The following ANO1 variants were observed in gnomAD, a reference collection of about 807,000 sequenced individuals.
ANO1 encodes anoctamin-1.
A neutral mutation model predicts 124.0 loss-of-function variants in ANO1; 59 were observed. The observed-to-expected ratio is 0.48, with a 90% CI of 0.39 to 0.59. ANO1 has a LOEUF of 0.59. Among genes scored for constraint, ANO1 ranks in the 20% least tolerant of loss-of-function variants. ANO1 has a pLI of 0.00. For missense variants in ANO1, 1,059 were observed against 1,328.0 expected (o/e 0.80, Z 3.15); for synonymous variants, 529 against 532.0 (o/e 0.99, Z 0.08).
intron 1 of ANO1, among the ~76,000 whole-genome samples, chr11:70,019,611 A>T (rs1189298156): frequency 6.6e-6 from 1 of 152,100 alleles, no homozygotes; most frequent in Non-Finnish European, 1.5e-5. Context: ...GGGAGCTTAA[A>T]ATGGGCCATG....
At chr11:70,042,523 G>A (rs1555005164) in intron 1 of ANO1, among the ~76,000 whole-genome samples, 1 of 151,828 alleles carries the variant, frequency 6.6e-6, no homozygotes, top group Non-Finnish European at 1.5e-5. Context: ...CAGAGAGAGA[G>A]AGAGAGAGAG....
At chr11:70,169,952 A>T (rs17333013) in intron 21 of ANO1, 5 of 329,790 alleles carry the variant, frequency 1.5e-5, no homozygotes, top group South Asian at 1.2e-4. Context: ...TTCCACTCAG[A>T]AACCTTTTCC....
At chr11:70,158,938 G>A (rs1451051192) in intron 16 of ANO1, among the ~76,000 whole-genome samples, 2 of 152,134 alleles carry the variant, frequency 1.3e-5, no homozygotes, top group African/African-American at 2.4e-5. Flanking sequence ...CTCTGGCCAG[G>A]TGCCAGGCTA....
At chr11:70,059,019 T>TA (rs782382103) in intron 1 of ANO1, among the ~76,000 whole-genome samples, 3,861 of 139,810 alleles carry the variant, frequency 0.028, 56 homozygotes, top group Non-Finnish European at 0.038. Context: ...CCGTCTCTAC[T>TA]AAAAAAAAAA....
chr11:70,180,856 G>A (rs1565285497), intron 23 of ANO1, among the ~76,000 whole-genome samples: 1 of 152,164 alleles, frequency 6.6e-6, no homozygotes, highest in Admixed American at 6.5e-5. Flanking sequence ...GAAATGGGGC[G>A]AGAAGGGAGC....
chr11:70,039,583 C>T (rs1857149896), intron 1 of ANO1, among the ~76,000 whole-genome samples: 1 of 150,876 alleles, frequency 6.6e-6, no homozygotes, highest in South Asian at 2.1e-4. Flanking sequence ...GGTGGTAGTC[C>T]TACCTCCCCT....
chr11:69,979,825 C>T, the ANO1 span, among the ~76,000 whole-genome samples: 5 of 152,170 alleles, frequency 3.3e-5, no homozygotes, highest in Middle Eastern at 3.2e-3. Context: ...AGTTCACTTG[C>T]CCTTCTCTTT....
At chr11:69,998,008 C>A (rs1856307423) in intron 1 of ANO1, among the ~76,000 whole-genome samples, 1 of 152,086 alleles carries the variant, frequency 6.6e-6, no homozygotes, top group Admixed American at 6.6e-5. Flanking sequence ...CCTAATACAT[C>A]CTTCCCAGAG....
chr11:70,163,488 C>T, intron 19 of ANO1, 148 bp downstream of exon 19: 2 of 941,104 alleles, frequency 2.1e-6, no homozygotes, highest in East Asian at 2.6e-5. Context: ...TTTTCTGTTC[C>T]CCTGATGTGG....
At chr11:70,102,990 G>A in intron 2 of ANO1, 76 bp from the exon 3 acceptor site, 2 of 1,000,438 alleles carry the variant, frequency 2.0e-6, no homozygotes, top group Non-Finnish European at 3.0e-6. Context: ...AATTGTGGTG[G>A]CCTCTGAAGA....
At chr11:70,081,406 G>A (rs746442062) in intron 1 of ANO1, among the ~76,000 whole-genome samples, 1 of 152,182 alleles carries the variant, frequency 6.6e-6, no homozygotes, top group Non-Finnish European at 1.5e-5. Context: ...TGATCTGCTT[G>A]TAGATTATGG....
chr11:70,098,936 GTTC>G (rs899702970), intron 2 of ANO1, among the ~76,000 whole-genome samples: 2 of 152,198 alleles, frequency 1.3e-5, no homozygotes, highest in African/African-American at 2.4e-5. Context: ...GAAGGTCAGA[GTTC>G]TTCTGGGCTG....
At chr11:70,118,200 C>T (rs2046071550) in intron 8 of ANO1, among the ~76,000 whole-genome samples, 1 of 152,064 alleles carries the variant, frequency 6.6e-6, no homozygotes, top group South Asian at 2.1e-4. Flanking sequence ...CCCTCTTCCC[C>T]CTCCTCCCCC....
chr11:69,968,594 G>A, the ANO1 span, among the ~76,000 whole-genome samples: 38 of 152,338 alleles, frequency 2.5e-4, no homozygotes, highest in Admixed American at 9.1e-4. Flanking sequence ...GAGATTGTTC[G>A]AGGACCCGTT....
chr11:70,141,994 C>T (rs2047172415), intron 11 of ANO1, among the ~76,000 whole-genome samples: 1 of 152,192 alleles, frequency 6.6e-6, no homozygotes, highest in Non-Finnish European at 1.5e-5. Flanking sequence ...TTTGCTTCCA[C>T]TGCACCGTGG....
chr11:70,156,176 G>C lies in ANO1; in HGVS notation c.1503+188G>C, dbSNP rs979517227. Among the ~76,000 whole-genome samples, 6 of 152,036 alleles carry C rather than the reference G, an allele frequency of 3.9e-5. No homozygotes were observed. In the South Asian group the frequency reaches 1.2e-3, roughly 32 times the overall value. On this transcript the variant is annotated intron_variant, in intron 15 of 25. Transcript: ENST00000355303. ...GGCACTGCATGGCTATGGTGGGTCT[G>C]CGGTGGCGGGGACGGGGGTGGGGCT...
chr11:70,111,328 C>T (rs1438475792), intron 6 of ANO1: 3 of 492,920 alleles, frequency 6.1e-6, no homozygotes, highest in Admixed American at 2.5e-5. Flanking sequence ...TTACAATCCA[C>T]CTTCCCCATC....
chr11:69,979,540 G>C, the ANO1 span, among the ~76,000 whole-genome samples: 4 of 152,124 alleles, frequency 2.6e-5, no homozygotes, highest in Non-Finnish European at 4.4e-5. Flanking sequence ...ATAATAAAGT[G>C]GATATTTAAT....
intron 12 of ANO1, among the ~76,000 whole-genome samples, chr11:70,151,400 A>G (rs1417991038): frequency 6.6e-6 from 1 of 152,180 alleles, no homozygotes. Context: ...AGCCCTGTCC[A>G]TGGAGGGAGC....
Sources: allele counts gnomAD v4.1 joint callset (sites outside exome capture counted in the v4.1 genomes callset), GRCh38; gene constraint gnomAD v4.1.1; transcripts MANE v1.5; gene names NCBI Gene and HGNC (gene_info 2026-07-23, HGNC 2026-07-21).